The following PLCE1 variants were observed in gnomAD, a reference collection of about 807,000 sequenced individuals.
The protein encoded by PLCE1 is 1-phosphatidylinositol 4,5-bisphosphate phosphodiesterase epsilon-1.
PLCE1 carries 119 observed loss-of-function variants against 242.8 expected under a neutral mutation model. The ratio of observed to expected loss-of-function variants is 0.49; its 90% confidence interval spans 0.42 to 0.57. The LOEUF is 0.57. Among genes scored for constraint, PLCE1 ranks in the 20% least tolerant of loss-of-function variants. PLCE1 has a pLI of 0.00. For synonymous variants in PLCE1, 945 were observed against 1,017.4 expected, an observed-to-expected ratio of 0.93 and a Z score of 1.35; for missense variants, 2,441 against 2,788.8, an observed-to-expected ratio of 0.88 and a Z score of 2.81.
At chr10:94,043,450 G>A (rs2134665945) in intron 2 of PLCE1, among the ~76,000 whole-genome samples, 1 of 152,244 alleles carries the variant, frequency 6.6e-6, no homozygotes, top group Admixed American at 6.5e-5. Context: ...CAATTTGTTG[G>A]TAGACCATGC....
chr10:94,060,985 C>T (rs2044040311), intron 2 of PLCE1, among the ~76,000 whole-genome samples: 1 of 152,104 alleles, frequency 6.6e-6, no homozygotes, highest in South Asian at 2.1e-4. Flanking sequence ...AGGTGTGAGC[C>T]ACCACGCCCA....
At chr10:94,290,326 T>A (rs2052600107) in intron 22 of PLCE1, among the ~76,000 whole-genome samples, 1 of 151,668 alleles carries the variant, frequency 6.6e-6, no homozygotes, top group East Asian at 1.9e-4. Context: ...TTTTCTTTCT[T>A]ATTTTTCTCC....
chr10:94,107,576 C>T lies in PLCE1; in HGVS notation c.1207-24598C>T, dbSNP rs569516012. On this transcript the variant is annotated intron_variant, in intron 2 of 32. Coordinates refer to ENST00000371380, the MANE Select transcript of PLCE1 (RefSeq NM_016341.4). ...CCAAATGGGGCTAGTAAACAGTGGACTCTGTAACCAAAAGTGTGAAAAGAT... is the reference window on the plus strand; with the variant it reads ...CCAAATGGGGCTAGTAAACAGTGGATTCTGTAACCAAAAGTGTGAAAAGAT... The T allele has an allele frequency of 2.0e-5, 3 of 152,102 alleles. No individual in the cohort carries two copies. In the East Asian group the frequency reaches 5.8e-4, roughly 29 times the overall value. The allele number at this position is 152,102 out of a possible 1,614,324, so 9.4% of individuals were successfully genotyped here.
At chr10:94,138,534 T>TA (rs752796954) in intron 3 of PLCE1, 13 of 479,714 alleles carry the variant, frequency 2.7e-5, no homozygotes, top group Non-Finnish European at 5.0e-5. Context: ...GCTGTGGTCA[T>TA]ACAGTGTGAC....
chr10:94,302,484 C>T (rs1789043395), intron 24 of PLCE1, among the ~76,000 whole-genome samples: 1 of 151,536 alleles, frequency 6.6e-6, no homozygotes, highest in Non-Finnish European at 1.5e-5. Flanking sequence ...AGGGTAGACA[C>T]GGTGCTACTG....
chr10:94,094,233 G>A (rs564870060), intron 2 of PLCE1, among the ~76,000 whole-genome samples: 1 of 149,112 alleles, frequency 6.7e-6, no homozygotes, highest in East Asian at 1.9e-4. Context: ...GAGCCACCGC[G>A]CCCGGCCTCG....
chr10:94,219,476 C>T (rs1348057881), intron 4 of PLCE1, among the ~76,000 whole-genome samples: 1 of 152,098 alleles, frequency 6.6e-6, no homozygotes, highest in Non-Finnish European at 1.5e-5. Flanking sequence ...CATATCTTTA[C>T]AGTTTATGAT....
chr10:94,160,550 T>A (rs530923826), intron 3 of PLCE1, among the ~76,000 whole-genome samples: 1 of 152,310 alleles, frequency 6.6e-6, no homozygotes, highest in South Asian at 2.1e-4. Context: ...TTGCAAAAAT[T>A]TTCTCCCATT....
intron 2 of PLCE1, among the ~76,000 whole-genome samples, chr10:94,051,286 CAAAAAAA>C (rs869233995): frequency 1.4e-4 from 4 of 29,370 alleles, no homozygotes; most frequent in South Asian, 2.0e-3. Context: ...GACTCCAACT[CAAAAAAA>C]AAAAAAAAAA....
In PLCE1 at chr10:94,167,676, C is replaced by A. The variant is rs181481950; in HGVS notation, c.1493-3504C>A. ...TAATGCTATCCCTCCCCCCTCCCCC[C>A]ACCCCACAACAGTCCCCGGTGTGTT... On this transcript the variant is annotated intron_variant, in intron 3 of 32. Transcript: ENST00000371380. Among the ~76,000 whole-genome samples, 632 of 128,100 alleles carry A rather than the reference C, an allele frequency of 4.9e-3. 5 individuals carry two copies. Among genetic ancestry groups the A allele is most frequent in the African/African-American group, 0.017 (596 of 34,378 alleles). 84.0% of individuals were successfully genotyped at this position (128,100 alleles called of 152,430 possible).
intron 2 of PLCE1, among the ~76,000 whole-genome samples, chr10:94,130,419 G>A (rs1179317342): frequency 6.6e-6 from 1 of 152,148 alleles, no homozygotes; most frequent in Non-Finnish European, 1.5e-5. Context: ...CTAGACACTA[G>A]GCTGAGTATG....
chr10:94,033,293 A>C lies in PLCE1; in HGVS notation c.1206+1041A>C, dbSNP rs142638423. Among the ~76,000 whole-genome samples the C allele has an allele frequency of 4.6e-3, 705 of 152,140 alleles. 7 individuals are homozygous for C. Among genetic ancestry groups the C allele is most frequent in the African/African-American group, 0.015 (635 of 41,532 alleles). ...TATGCATATATTGGATTATGTATAT[A>C]TACTTATGTATATATAGTATGGATT... is the stretch of plus-strand genomic sequence containing the variant. On this transcript the variant is annotated intron_variant, in intron 2 of 32. Coordinates refer to ENST00000371380, the MANE Select transcript of PLCE1 (RefSeq NM_016341.4).
chr10:94,092,016 T>C (rs1015389500), intron 2 of PLCE1, among the ~76,000 whole-genome samples: 3 of 152,308 alleles, frequency 2.0e-5, no homozygotes, highest in Admixed American at 6.5e-5. Context: ...CAGGGAGGTG[T>C]CTGTGTGTGA....
intron 5 of PLCE1, among the ~76,000 whole-genome samples, chr10:94,231,605 G>A (rs201757147): frequency 7.1e-6 from 1 of 140,132 alleles, no homozygotes; most frequent in Admixed American, 7.3e-5. Flanking sequence ...AAAAAAAAAA[G>A]CAAGTTGTTT....
At chr10:94,264,391 TCAGA>T (rs1037746931) in intron 14 of PLCE1, among the ~76,000 whole-genome samples, 1 of 151,994 alleles carries the variant, frequency 6.6e-6, no homozygotes, top group Non-Finnish European at 1.5e-5. Flanking sequence ...AGGCATGGTG[TCAGA>T]CAGATGTGCA....
intron 4 of PLCE1, among the ~76,000 whole-genome samples, chr10:94,225,660 C>T (rs535901311): frequency 6.6e-6 from 1 of 152,178 alleles, no homozygotes; most frequent in Non-Finnish European, 1.5e-5. Flanking sequence ...AAGAAACTGT[C>T]AACTTTCACC....
At chr10:94,255,904 ACACACACACACTCTCTCTCTCTCTCTCT>A (rs1390181247) in intron 11 of PLCE1, among the ~76,000 whole-genome samples, 4 of 98,816 alleles carry the variant, frequency 4.0e-5, no homozygotes, top group African/African-American at 1.7e-4. Flanking sequence ...ACACACACAC[ACACACACACACTCTCTCTCTCTCTCTCT>A]CTCTCTCTCT....
At chr10:94,097,504 G>A (rs541523346) in intron 2 of PLCE1, among the ~76,000 whole-genome samples, 1 of 152,286 alleles carries the variant, frequency 6.6e-6, no homozygotes, top group East Asian at 1.9e-4. Context: ...AGACAGACAA[G>A]CCTCCTTCCC....
chr10:94,207,277 C>T (rs1037801101), intron 4 of PLCE1, among the ~76,000 whole-genome samples: 4 of 151,886 alleles, frequency 2.6e-5, no homozygotes, highest in African/African-American at 7.3e-5. Flanking sequence ...AAGGGAAAGC[C>T]GAAATGGTTG....
Sources: allele counts gnomAD v4.1 joint callset (sites outside exome capture counted in the v4.1 genomes callset), GRCh38; gene constraint gnomAD v4.1.1; transcripts MANE v1.5; gene names NCBI Gene and HGNC (gene_info 2026-07-23, HGNC 2026-07-21).